Variants in AGBL4 observed in about 807,000 individuals in gnomAD.
AGBL4 encodes the protein cytosolic carboxypeptidase 6.
AGBL4 carries 58 observed loss-of-function variants against 66.4 expected under a neutral mutation model. The ratio of observed to expected loss-of-function variants is 0.87; its 90% CI spans 0.71 to 1.09. The LOEUF is 1.09. Ranked by LOEUF, AGBL4 falls within the 50% of genes least tolerant of loss-of-function variation. The pLI is 0.00. For synonymous variants in AGBL4, 234 were observed against 222.9 expected (o/e 1.05, Z -0.44); for missense variants, 579 against 631.0 (o/e 0.92, Z 0.88).
At chr1:49,172,493 G>T (rs988064269) in intron 4 of AGBL4, among the ~76,000 whole-genome samples, 6 of 152,126 alleles carry the variant, frequency 3.9e-5, no homozygotes, top group African/African-American at 1.4e-4. Context: ...AGTAATTTAT[G>T]AATTGAGGTA....
chr1:49,561,117 T>C (rs138064795), intron 3 of AGBL4, among the ~76,000 whole-genome samples: 14 of 152,136 alleles, frequency 9.2e-5, no homozygotes, highest in African/African-American at 3.4e-4. Flanking sequence ...AAAGATTGAA[T>C]GATGAACCAA....
Position 48,941,528 on chromosome 1 carries a change from A to G in AGBL4, c.595-74298T>C, listed in dbSNP as rs148695676. Among the ~76,000 whole-genome samples the G allele has an allele frequency of 1.5e-3, 232 of 152,330 alleles. 1 individual carries two copies. Among genetic ancestry groups the G allele is most frequent in the African/African-American group, 5.4e-3 (225 of 41,582 alleles). ...TACAAAGTGCCAGCTGAGTTTTTGTAGTGGCCAGTAGTAACCACAAGGAGT... is the reference window on the plus strand; with the variant it reads ...TACAAAGTGCCAGCTGAGTTTTTGTGGTGGCCAGTAGTAACCACAAGGAGT... On this transcript the variant is annotated intron_variant, in intron 5 of 13. Transcript: ENST00000371839.
At chr1:49,073,443 C>T (rs573551366) in intron 4 of AGBL4, among the ~76,000 whole-genome samples, 6 of 151,904 alleles carry the variant, frequency 3.9e-5, no homozygotes, top group Non-Finnish European at 1.5e-5. Flanking sequence ...GTGTAGATGT[C>T]CTTTTTGTTG....
intron 2 of AGBL4, among the ~76,000 whole-genome samples, chr1:49,780,074 GA>G (rs1376137652): frequency 6.6e-6 from 1 of 152,044 alleles, no homozygotes; most frequent in Non-Finnish European, 1.5e-5. Flanking sequence ...AAAATGGAGT[GA>G]ATTTGGTGCC....
At chr1:48,790,051 A>AGCAGAGT (rs1244099784) in intron 6 of AGBL4, among the ~76,000 whole-genome samples, 1 of 152,234 alleles carries the variant, frequency 6.6e-6, no homozygotes, top group Non-Finnish European at 1.5e-5. Context: ...AGAAGCTGAA[A>AGCAGAGT]GCAGAGTAGG....
chr1:49,751,969 C>CTT (rs561445229), intron 2 of AGBL4, among the ~76,000 whole-genome samples: 82 of 141,992 alleles, frequency 5.8e-4, no homozygotes, highest in African/African-American at 1.9e-3. Flanking sequence ...TCTCTCTTTT[C>CTT]TTTTTTTTTT....
At chr1:49,295,308 A>G (rs1182585664) in intron 3 of AGBL4, among the ~76,000 whole-genome samples, 1 of 152,196 alleles carries the variant, frequency 6.6e-6, no homozygotes, top group African/African-American at 2.4e-5. Context: ...CAGTGTTACC[A>G]GAACATGGCA....
chr1:48,625,140 CCTTT>C (rs1200129449), intron 9 of AGBL4, among the ~76,000 whole-genome samples: 1 of 113,504 alleles, frequency 8.8e-6, no homozygotes, highest in African/African-American at 3.1e-5. Flanking sequence ...TTCCTTCCTT[CCTTT>C]CTCTTTCTCT....
At chr1:48,935,739 C>T (rs1451279777) in intron 5 of AGBL4, among the ~76,000 whole-genome samples, 2 of 149,804 alleles carry the variant, frequency 1.3e-5, no homozygotes, top group Non-Finnish European at 3.0e-5. Flanking sequence ...GGGCAGATCA[C>T]TTGAGGCCAG....
At position 48,634,486 on chromosome 1, in the gene AGBL4, T is replaced by C; in HGVS notation, c.951+7A>G. ...TCAGCAGCTGTGGAGGGCATTCAGT[T>C]ACTTACTGGGTCGTTGTACATCTGG... On this transcript the variant is annotated splice_region_variant and intron_variant, in intron 9 of 13. Transcript: ENST00000371839. The C allele has an allele frequency of 2.5e-6, 4 of 1,585,502 alleles. No individual in the cohort carries two copies. The highest frequency in any genetic ancestry group is 3.4e-6 in the Non-Finnish European group (4 of 1,164,036).
rs111638603 is a variant in AGBL4 at position 49,594,726 on chromosome 1, A to G, written c.282+102587T>C. 8.9e-3 allele frequency among the ~76,000 whole-genome samples: 1,358 copies of G among 152,306 alleles called. 21 individuals carry two copies. Among genetic ancestry groups the G allele is most frequent in the Middle Eastern group, 0.024 (7 of 294 alleles). On this transcript the variant is annotated intron_variant, in intron 3 of 13. Transcript: ENST00000371839. ...CTTTTTTATGGCTGCATAGTTATCC[A>G]TGGTGTATATGTGCCACATTTTCTT... is the stretch of plus-strand genomic sequence containing the variant.
intron 5 of AGBL4, among the ~76,000 whole-genome samples, chr1:48,954,843 TC>T (rs1365611943): frequency 2.0e-5 from 3 of 152,066 alleles, no homozygotes; most frequent in Admixed American, 6.6e-5. Flanking sequence ...ACACTACAGA[TC>T]TGGAAGGTAA....
intron 6 of AGBL4, among the ~76,000 whole-genome samples, chr1:48,671,431 A>G (rs1466561829): frequency 6.6e-6 from 1 of 152,246 alleles, no homozygotes; most frequent in Non-Finnish European, 1.5e-5. Context: ...TGGAGGAGAA[A>G]GATCAAGACT....
intron 3 of AGBL4, among the ~76,000 whole-genome samples, chr1:49,672,500 T>TA (rs553144143): frequency 8.6e-4 from 128 of 149,586 alleles, no homozygotes; most frequent in African/African-American, 2.7e-3. Flanking sequence ...AAACAAAAAT[T>TA]AAAAAAAAGA....
intron 3 of AGBL4, among the ~76,000 whole-genome samples, chr1:49,263,890 G>A (rs1018607870): frequency 2.6e-5 from 4 of 151,964 alleles, no homozygotes; most frequent in Non-Finnish European, 4.4e-5. Flanking sequence ...AACTAAAACC[G>A]CTTAATTTAA....
At position 49,026,394 on chromosome 1, in the gene AGBL4, GA is replaced by G. The variant is rs1663694506; in HGVS notation, c.594+19189del. Among the ~76,000 whole-genome samples, 5 of 152,232 alleles carry G rather than the reference GA, an allele frequency of 3.3e-5. No homozygotes were observed. In the East Asian group the frequency reaches 7.7e-4, roughly 24 times the overall value. On this transcript the variant is annotated intron_variant, in intron 5 of 13. Coordinates refer to ENST00000371839, the MANE Select transcript of AGBL4 (RefSeq NM_032785.4). ...TCAAGGAGCAACCAATTTAGAAAAA[GA>G]AATTTGATATACACAACAGAGTCAT... is the stretch of plus-strand genomic sequence containing the variant.
At chr1:49,598,955 T>C (rs919394322) in intron 3 of AGBL4, among the ~76,000 whole-genome samples, 1 of 152,202 alleles carries the variant, frequency 6.6e-6, no homozygotes, top group African/African-American at 2.4e-5. Flanking sequence ...TGAAGCCAAC[T>C]TGATCGAGGT....
intron 1 of AGBL4, among the ~76,000 whole-genome samples, chr1:49,898,212 A>G (rs1400126229): frequency 1.3e-5 from 2 of 152,150 alleles, no homozygotes; most frequent in East Asian, 3.9e-4. Context: ...CAAATTACCC[A>G]CGTGAAAAGG....
At chr1:49,797,535 A>G (rs1644759757) in intron 2 of AGBL4, among the ~76,000 whole-genome samples, 1 of 152,132 alleles carries the variant, frequency 6.6e-6, no homozygotes, top group Non-Finnish European at 1.5e-5. Flanking sequence ...CTCCTGGCTC[A>G]AGTTATCCTC....
Sources: allele counts gnomAD v4.1 joint callset (sites outside exome capture counted in the v4.1 genomes callset), GRCh38; gene constraint gnomAD v4.1.1; transcripts MANE v1.5; gene names NCBI Gene and HGNC (gene_info 2026-07-23, HGNC 2026-07-21).